Variants in TREH observed in about 807,000 individuals in gnomAD.
The protein encoded by TREH is trehalase.
A neutral mutation model predicts 80.5 loss-of-function variants in TREH; 69 were observed. The observed-to-expected ratio is 0.86, with a 90% confidence interval of 0.71 to 1.05. TREH has a LOEUF of 1.05. TREH is among the 50% of genes least tolerant of loss of function. The pLI is 0.00. For synonymous variants in TREH, 309 were observed against 293.5 expected, an observed-to-expected ratio of 1.05 and a Z score of -0.54; for missense variants, 716 against 718.8, an observed-to-expected ratio of 1.00 and a Z score of 0.04.
At chr11:118,671,600 G>A (rs998096482) in intron 1 of TREH, among the ~76,000 whole-genome samples, 3 of 152,124 alleles carry the variant, frequency 2.0e-5, no homozygotes, top group African/African-American at 4.8e-5. Flanking sequence ...TAAAGAGGAG[G>A]TAGAGAAAGA....
At chr11:118,663,542 G>A in intron 1 of TREH, 103 bp from the exon 2 acceptor site, 1 of 941,558 alleles carries the variant, frequency 1.1e-6, no homozygotes, top group Non-Finnish European at 1.6e-6. Flanking sequence ...CATGTTCCCT[G>A]GGACTGGACA....
At chr11:118,662,751 C>T (rs1949337686) in intron 4 of TREH, 130 bp downstream of exon 4, 3 of 1,036,544 alleles carry the variant, frequency 2.9e-6, no homozygotes, top group African/African-American at 1.6e-5. Context: ...TATTTGGGGA[C>T]CCAGGGGCCA....
At chr11:118,675,632 C>T (rs782072172) in intron 1 of TREH, among the ~76,000 whole-genome samples, 19 of 152,142 alleles carry the variant, frequency 1.2e-4, no homozygotes, top group Non-Finnish European at 2.8e-4. Context: ...GTGTCCTTTC[C>T]CCATGGAACC....
chr11:118,661,627 C>T lies in TREH; in HGVS notation c.617+10G>A. On this transcript the variant is annotated intron_variant, in intron 6 of 14. Transcript: ENST00000264029. The surrounding 1 kb of genome is among the most constrained non-coding windows in gnomAD (Gnocchi z 4.2). Reference sequence around the variant, plus strand: ...CCCCACCTAGGCTGGAGGTGCCTGGCCCCCCTCACGTTTTCACCAGGTCCA... The same window carrying T: ...CCCCACCTAGGCTGGAGGTGCCTGGTCCCCCTCACGTTTTCACCAGGTCCA... 1.2e-6 allele frequency: 2 copies of T among 1,613,782 alleles called. No homozygotes were observed. Among genetic ancestry groups the T allele is most frequent in the Non-Finnish European group, 1.7e-6 (2 of 1,179,780 alleles).
At chr11:118,675,043 C>G (rs1949464377) in intron 1 of TREH, among the ~76,000 whole-genome samples, 1 of 148,838 alleles carries the variant, frequency 6.7e-6, no homozygotes, top group Non-Finnish European at 1.5e-5. Flanking sequence ...GTATACATTT[C>G]CCTATGCACA....
Position 118,660,643 on chromosome 11 carries a change from G to C in TREH, c.998C>G (p.Pro333Arg), listed in dbSNP as rs782114240. The C allele has an allele frequency of 6.2e-7, 1 of 1,607,468 alleles. No homozygotes were observed. The highest frequency in any genetic ancestry group is 1.1e-5 in the South Asian group (1 of 89,550). The change falls in exon 10 of 15, where the codon CCC becomes CGC. Residue 333 changes from proline to arginine, a missense_variant. Transcript: ENST00000264029. The part of the protein sequence containing the change: ...SSRWLIGGPN[P>R]NSLSGIRTSK... ...TGTTCGGATGCCGCTAAGCGAGTTG[G>C]GGTTTGGGCCTCCAATGAGCCAGCG...
rs782543423 is a variant in TREH at position 118,658,427 on chromosome 11, C to A, written c.1614G>T (p.Trp538Cys). Reference protein sequence around the residue: ...GEYEVQEGFGWTNGVVLMLLD... With the variant: ...GEYEVQEGFGCTNGVVLMLLD... ...GCAGCATCAGGACCACGCCATTCGTCCAGCCAAATCCCTCCTGGGAGAGGC... is the reference window on the plus strand; with the variant it reads ...GCAGCATCAGGACCACGCCATTCGTACAGCCAAATCCCTCCTGGGAGAGGC... Residue 538 changes from tryptophan to cysteine, a missense_variant, in exon 15 of 15, where the codon TGG becomes TGT. Trp to Cys is a radical substitution (Grantham distance 215, BLOSUM62 -2). Transcript: ENST00000264029. 3 of 1,611,086 alleles carry A rather than the reference C, an allele frequency of 1.9e-6. No homozygotes were observed. The highest frequency in any genetic ancestry group is 2.5e-6 in the Non-Finnish European group (3 of 1,179,384).
intron 9 of TREH, 53 bp downstream of exon 9, chr11:118,660,813 G>A (rs1188885989): frequency 3.0e-5 from 47 of 1,551,144 alleles, no homozygotes; most frequent in Non-Finnish European, 3.9e-5. Flanking sequence ...GCCTGACACA[G>A]CAGGTGTGCA....
intron 4 of TREH, 145 bp from the exon 5 acceptor site, chr11:118,662,135 T>C (rs966618386): frequency 2.1e-5 from 14 of 658,772 alleles, no homozygotes; most frequent in African/African-American, 2.0e-4. Flanking sequence ...TACTCAGCCA[T>C]GTAATCAAGG....
intron 9 of TREH, 39 bp downstream of exon 9, chr11:118,660,827 G>T (rs1949312866): frequency 1.3e-6 from 2 of 1,555,916 alleles, no homozygotes; most frequent in Admixed American, 3.9e-5. Flanking sequence ...GTGTGCAGCT[G>T]CCCTGCCCCC....
chr11:118,675,237 G>A (rs1422795644), intron 1 of TREH, among the ~76,000 whole-genome samples: 1 of 152,112 alleles, frequency 6.6e-6, no homozygotes, highest in Non-Finnish European at 1.5e-5. Flanking sequence ...ATATGTTTCA[G>A]TGAGTCAGGG....
In TREH at chr11:118,674,002, A is replaced by G. The variant is rs1218876387; in HGVS notation, c.89+5537T>C. ...TGGGTCCAAAGTCAGTCCTAGGGGA[A>G]AAGAGTCTCTCTGCTTTTGAATACA... On this transcript the variant is annotated intron_variant, in intron 1 of 14. Coordinates refer to ENST00000264029, the MANE Select transcript of TREH (RefSeq NM_007180.3). This position sits in a 1 kb window ranked among gnomAD's most constrained non-coding sequence, Gnocchi z 4.4. Among the ~76,000 whole-genome samples, 4 of 146,694 alleles carry G rather than the reference A, an allele frequency of 2.7e-5. No homozygotes were observed. The highest frequency in any genetic ancestry group is 7.2e-5 in the Admixed American group (1 of 13,952).
In TREH at chr11:118,663,188, G is replaced by T; in HGVS notation, c.199C>A (p.Leu67Met). 6.2e-7 allele frequency: 1 copy of T among 1,609,878 alleles called. No homozygotes were observed. The highest frequency in any genetic ancestry group is 8.5e-7 in the Non-Finnish European group (1 of 1,177,984). The change falls in exon 3 of 15, where the codon CTG (leucine) becomes ATG (methionine). Residue 67 changes from leucine (L) to methionine (M), a missense_variant. Transcript: ENST00000264029. ...CTGGACAGCTCAGTGAAGGTCTGCA[G>T]GACTTGTTCTGGAGAGCAGGCAGCA... ...MPLSIAPEQV[L>M]QTFTELSRDH... is the part of the protein sequence containing the mutation.
At chr11:118,678,318 C>A (rs1949500099) in intron 1 of TREH, among the ~76,000 whole-genome samples, 1 of 152,086 alleles carries the variant, frequency 6.6e-6, no homozygotes, top group Non-Finnish European at 1.5e-5. Context: ...GCCCTAACTT[C>A]TCTCTACTTC....
intron 1 of TREH, among the ~76,000 whole-genome samples, chr11:118,677,180 C>T (rs1337580439): frequency 6.6e-6 from 1 of 152,214 alleles, no homozygotes; most frequent in Non-Finnish European, 1.5e-5. Context: ...TAACTGAGGT[C>T]AGCCACACAG....
At chr11:118,673,275 T>C (rs1555146493) in intron 1 of TREH, among the ~76,000 whole-genome samples, 1 of 152,206 alleles carries the variant, frequency 6.6e-6, no homozygotes. Flanking sequence ...GTCAGTATTT[T>C]GAGCATTTGC....
chr11:118,660,825 C>G (rs1949312810), intron 9 of TREH, 41 bp downstream of exon 9: 4 of 1,554,620 alleles, frequency 2.6e-6, no homozygotes, highest in Non-Finnish European at 3.5e-6. Flanking sequence ...AGGTGTGCAG[C>G]TGCCCTGCCC....
intron 1 of TREH, among the ~76,000 whole-genome samples, chr11:118,669,037 A>C (rs72999492): frequency 0.032 from 4,825 of 152,320 alleles, 102 homozygotes; most frequent in Non-Finnish European, 0.048. Flanking sequence ...CATTCCCTTA[A>C]GTAAGAAAAG....
rs117311926 is a variant in TREH at position 118,665,250 on chromosome 11, C to T, written c.90-1811G>A. ...TTGGTATGACTATATGATTTGTTCCCACATCATCTCAACTACTTTTTTCCT... is the reference window on the plus strand; with the variant it reads ...TTGGTATGACTATATGATTTGTTCCTACATCATCTCAACTACTTTTTTCCT... On this transcript the variant is annotated intron_variant, in intron 1 of 14. Coordinates refer to ENST00000264029, the MANE Select transcript of TREH (RefSeq NM_007180.3). 1.9e-3 allele frequency among the ~76,000 whole-genome samples: 296 copies of T among 152,152 alleles called. 9 individuals are homozygous for T. The East Asian group carries it at 0.042, about 22-fold the overall frequency.
Sources: gnomAD v4.1 joint callset for allele counts (sites outside exome capture counted in the v4.1 genomes callset) on GRCh38, gnomAD v4.1.1 for gene constraint, Gnocchi (gnomAD v3.1) non-coding constraint, MANE v1.5 for transcripts, NCBI Gene and HGNC (gene_info 2026-07-23, HGNC 2026-07-21) for gene names.